SLC4A8: variants seen among roughly 807,000 people sequenced by gnomAD.
SLC4A8 encodes the protein electroneutral sodium bicarbonate exchanger 1.
Under a neutral mutation model 125.0 loss-of-function variants are expected in SLC4A8, and 40 were observed. The observed-to-expected ratio is 0.32, with a 90% CI of 0.25 to 0.42. SLC4A8 has a LOEUF of 0.42. Among genes scored for constraint, SLC4A8 ranks in the 10% least tolerant of loss-of-function variants. The pLI is 1.00. For synonymous variants in SLC4A8, 456 were observed against 476.0 expected (o/e 0.96, Z 0.55); for missense variants, 863 against 1,355.1 (o/e 0.64, Z 5.70).
At chr12:51,505,343 C>G (rs1938120652) in intron 23 of SLC4A8, among the ~76,000 whole-genome samples, 2 of 152,140 alleles carry the variant, frequency 1.3e-5, no homozygotes, top group Non-Finnish European at 1.5e-5. Flanking sequence ...GCTTTCATTT[C>G]TGCACCTTCA....
chr12:51,420,994 C>T (rs1459321893), upstream of SLC4A8, among the ~76,000 whole-genome samples: 2 of 152,038 alleles, frequency 1.3e-5, no homozygotes, highest in Admixed American at 1.3e-4. Flanking sequence ...ATGTAGCATG[C>T]CTCTCTGCCT....
chr12:51,472,465 A>T (rs1950727765), intron 14 of SLC4A8, among the ~76,000 whole-genome samples: 3 of 152,276 alleles, frequency 2.0e-5, no homozygotes, highest in Admixed American at 6.5e-5. Flanking sequence ...ACTAGAAAGT[A>T]ACAATGATTA....
chr12:51,431,483 T>G (rs1373460096), intron 1 of SLC4A8, among the ~76,000 whole-genome samples: 2 of 152,208 alleles, frequency 1.3e-5, no homozygotes, highest in Non-Finnish European at 2.9e-5. Context: ...GCCAGAGCCA[T>G]TTTGGAATTT....
intron 4 of SLC4A8, 90 bp downstream of exon 4, chr12:51,452,349 T>G (rs1369775657): frequency 6.9e-7 from 1 of 1,439,242 alleles, no homozygotes; most frequent in Non-Finnish European, 9.7e-7. Context: ...GCCTTATTTC[T>G]TCTTGGGAGA....
chr12:51,447,822 T>A (rs1162593544), intron 2 of SLC4A8, among the ~76,000 whole-genome samples: 2 of 150,980 alleles, frequency 1.3e-5, no homozygotes, highest in Non-Finnish European at 2.9e-5. Context: ...GTTCATGCCA[T>A]TCTCCTGCCT....
At chr12:51,428,565 G>A (rs988598390) in intron 1 of SLC4A8, among the ~76,000 whole-genome samples, 2 of 152,068 alleles carry the variant, frequency 1.3e-5, no homozygotes, top group African/African-American at 4.8e-5. Context: ...CCTCCTCTCC[G>A]CCAAGAATAT....
intron 1 of SLC4A8, chr12:51,403,000 G>C (rs1948421664): frequency 6.0e-6 from 2 of 335,604 alleles, no homozygotes; most frequent in Non-Finnish European, 1.2e-5. Context: ...ATGACTGCAT[G>C]AAGTCCCCCA....
intron 1 of SLC4A8, among the ~76,000 whole-genome samples, chr12:51,413,897 T>C (rs1948637682): frequency 1.3e-5 from 2 of 152,260 alleles, no homozygotes; most frequent in African/African-American, 2.4e-5. Flanking sequence ...TTGCTTTGGC[T>C]ATTTGGGATC....
intron 1 of SLC4A8, among the ~76,000 whole-genome samples, chr12:51,397,223 C>T (rs903507500): frequency 3.3e-5 from 5 of 152,060 alleles, no homozygotes; most frequent in Non-Finnish European, 5.9e-5. Flanking sequence ...CCACCACGCC[C>T]GGTCTCAGCC....
In SLC4A8 at chr12:51,478,274, C is replaced by CAAA. The variant is rs10668768; in HGVS notation, c.2172+3081_2172+3083dup. ...TGGGGGACAGAGCGAAACTCCGTCT[C>CAAA]AAAAAAAAAAAAAAATTAGCTGGGC... On this transcript the variant is annotated intron_variant, in intron 16 of 24. Coordinates refer to ENST00000453097, the MANE Select transcript of SLC4A8 (RefSeq NM_001039960.3). 1.8e-3 allele frequency among the ~76,000 whole-genome samples: 242 copies of CAAA among 133,686 alleles called. 2 individuals are homozygous for CAAA. Among genetic ancestry groups the CAAA allele is most frequent in the African/African-American group, 6.2e-3 (219 of 35,256 alleles). 87.7% of individuals were successfully genotyped at this position (133,686 alleles called of 152,430 possible).
At chr12:51,407,698 A>T (rs907543938) in intron 1 of SLC4A8, 13 of 152,156 alleles carry the variant, frequency 8.5e-5, no homozygotes, top group Admixed American at 7.2e-4. Flanking sequence ...GCCTGCATAA[A>T]CTCTTGGTTT....
intron 1 of SLC4A8, among the ~76,000 whole-genome samples, chr12:51,404,008 G>A (rs1948443885): frequency 6.6e-6 from 1 of 152,172 alleles, no homozygotes; most frequent in Admixed American, 6.5e-5. Context: ...TTCTGCTTGG[G>A]GCCTGGCACA....
Position 51,509,063 on chromosome 12 carries a change from C to T in SLC4A8, c.*1625C>T, listed in dbSNP as rs1156258759. 6.6e-6 allele frequency: 1 copy of T among 152,610 alleles called. No homozygotes were observed. The highest frequency in any genetic ancestry group is 1.5e-5 in the Non-Finnish European group (1 of 68,054). 9.5% of individuals were successfully genotyped at this position (152,610 alleles called of 1,614,324 possible). A position where few individuals can be genotyped will look rare whatever the true frequency, so the allele number is the denominator to read the frequency against. On this transcript the variant is annotated 3_prime_UTR_variant, in exon 25 of 25. Coordinates refer to ENST00000453097, the MANE Select transcript of SLC4A8 (RefSeq NM_001039960.3). ...GATGATTTTCAAAATATTTTAACAA[C>T]TGGTACAGGACAGATGCCAGCCACT...
At chr12:51,458,442 A>T in intron 6 of SLC4A8, 117 bp from the exon 7 acceptor site, 1 of 707,688 alleles carries the variant, frequency 1.4e-6, no homozygotes, top group South Asian at 1.7e-5. Flanking sequence ...TAGTCATCTT[A>T]ACCTCTTTTC....
At chr12:51,396,843 G>A (rs985390102) in intron 1 of SLC4A8, among the ~76,000 whole-genome samples, 1 of 150,240 alleles carries the variant, frequency 6.7e-6, no homozygotes, top group Non-Finnish European at 1.5e-5. Flanking sequence ...AAACATAGGT[G>A]TATTAAAACT....
chr12:51,432,821 TG>T (rs201763134), intron 1 of SLC4A8, among the ~76,000 whole-genome samples: 19 of 151,726 alleles, frequency 1.3e-4, no homozygotes, highest in South Asian at 4.2e-4. Flanking sequence ...TTGACTTTTT[TG>T]GGGGGGGTCT....
rs1565772495 is a variant in SLC4A8, at chr12:51,433,884, G to GTTTTTTTTTTTTTTTTTTTTTTTTTT, written c.49-6815_49-6814insTTTTTTTTTTTTTTTTTTTTTTTTTT. Among the ~76,000 whole-genome samples, 5 of 72,204 alleles carry GTTTTTTTTTTTTTTTTTTTTTTTTTT rather than the reference G, an allele frequency of 6.9e-5. 1 individual carries two copies. Among genetic ancestry groups the GTTTTTTTTTTTTTTTTTTTTTTTTTT allele is most frequent in the African/African-American group, 1.7e-4 (3 of 18,160 alleles). The allele number at this position is 72,204 out of a possible 152,430, so 47.4% of individuals were successfully genotyped here. A position where few individuals can be genotyped will look rare whatever the true frequency, so the allele number is the denominator to read the frequency against. On this transcript the variant is annotated intron_variant, in intron 1 of 24. Coordinates refer to ENST00000453097, the MANE Select transcript of SLC4A8 (RefSeq NM_001039960.3). ...TTTTTTTTTTTTTTTTTTTTGGTTG[G>GTTTTTTTTTTTTTTTTTTTTTTTTTT]TTTTTTTTTGAGACAGGGTCTTTCT...
chr12:51,395,606 A>G (rs1948243411), intron 1 of SLC4A8, among the ~76,000 whole-genome samples: 1 of 152,052 alleles, frequency 6.6e-6, no homozygotes, highest in Admixed American at 6.5e-5. Flanking sequence ...AGTGAGGGAG[A>G]CCTGCCCTTC....
intron 1 of SLC4A8, among the ~76,000 whole-genome samples, chr12:51,411,907 C>A (rs1275694350): frequency 6.6e-6 from 1 of 151,536 alleles, no homozygotes; most frequent in Non-Finnish European, 1.5e-5. Flanking sequence ...ACAAAAAATA[C>A]AAAAATTAGC....
Sources: gnomAD v4.1 joint callset for allele counts (sites outside exome capture counted in the v4.1 genomes callset) on GRCh38, gnomAD v4.1.1 for gene constraint, MANE v1.5 for transcripts, NCBI Gene and HGNC (gene_info 2026-07-23, HGNC 2026-07-21) for gene names.